LPA: variants seen among roughly 807,000 people sequenced by gnomAD.
LPA encodes the protein lipoprotein(a).
In LPA, 199 loss-of-function variants were observed where a neutral mutation model predicts 197.9. The observed-to-expected ratio is 1.01, with a 90% CI of 0.90 to 1.13. LPA has a LOEUF of 1.13. Ranked by LOEUF, LPA falls within the 50% of genes most tolerant of loss-of-function variation. LPA has a pLI of 0.00. For missense variants in LPA, 1,853 were observed against 1,785.8 expected (o/e 1.04, Z -0.68); for synonymous variants, 715 against 639.5 (o/e 1.12, Z -1.78).
chr6:160,576,614 TAA>T (rs1240381739), intron 28 of LPA, among the ~76,000 whole-genome samples: 9 of 145,448 alleles, frequency 6.2e-5, no homozygotes, highest in South Asian at 2.1e-4. Flanking sequence ...AATTTAAATA[TAA>T]GTTTTATACA....
At chr6:160,539,609 A>G (rs1384588990) in intron 36 of LPA, among the ~76,000 whole-genome samples, 1 of 152,154 alleles carries the variant, frequency 6.6e-6, no homozygotes, top group Non-Finnish European at 1.5e-5. Flanking sequence ...CTTCCTCGTC[A>G]GCCTCCTGAA....
At chr6:160,565,446 C>A (rs1424553819) in intron 28 of LPA, among the ~76,000 whole-genome samples, 1 of 152,190 alleles carries the variant, frequency 6.6e-6, no homozygotes, top group Non-Finnish European at 1.5e-5. Flanking sequence ...CTCCAACAGA[C>A]CTGCAGCTGA....
At chr6:160,553,061 C>A (rs1285935632) in intron 30 of LPA, among the ~76,000 whole-genome samples, 1 of 152,208 alleles carries the variant, frequency 6.6e-6, no homozygotes, top group Non-Finnish European at 1.5e-5. Flanking sequence ...TATATAACTT[C>A]ATGGATAATG....
intron 28 of LPA, among the ~76,000 whole-genome samples, chr6:160,576,666 ATGTT>A (rs1562328152): frequency 2.2e-5 from 2 of 92,682 alleles, no homozygotes; most frequent in Admixed American, 1.2e-4. Context: ...AAATATTCAG[ATGTT>A]TGTGTGTGTG....
At chr6:160,650,538 G>T in intron 1 of LPA, 41 bp from the exon 2 acceptor site, 1 of 1,601,616 alleles carries the variant, frequency 6.2e-7, no homozygotes, top group South Asian at 1.1e-5. Flanking sequence ...ATAGTTCTTA[G>T]AACAGAAAAA....
intron 7 of LPA, among the ~76,000 whole-genome samples, chr6:160,634,691 T>C (rs1216497681): frequency 2.6e-5 from 4 of 151,716 alleles, no homozygotes; most frequent in Non-Finnish European, 5.9e-5. Context: ...CCTGTTAGGT[T>C]TCTCGAGGAT....
chr6:160,553,954 T>TGTGTGTGC (rs771903485), intron 30 of LPA, among the ~76,000 whole-genome samples: 1,825 of 130,754 alleles, frequency 0.014, 29 homozygotes, highest in Middle Eastern at 0.053. Flanking sequence ...TGTGTGTGTG[T>TGTGTGTGC]GCGCGCGCGC....
In LPA at chr6:160,634,811, A is replaced by T. The variant is rs1382515477; in HGVS notation, c.1075+312T>A. ...AGCTTACTGCGACAGAAAGAATCACACACCTGACAGCACGTTACAATAAAA... is the reference window on the plus strand; with the variant it reads ...AGCTTACTGCGACAGAAAGAATCACTCACCTGACAGCACGTTACAATAAAA... On this transcript the variant is annotated intron_variant, in intron 7 of 38. Coordinates refer to ENST00000316300, the MANE Select transcript of LPA (RefSeq NM_005577.4). Among the ~76,000 whole-genome samples, 7 of 150,274 alleles carry T rather than the reference A, an allele frequency of 4.7e-5. 1 individual carries two copies. The highest frequency in any genetic ancestry group is 1.8e-4 in the African/African-American group (7 of 39,576).
intron 25 of LPA, 78 bp downstream of exon 25, chr6:160,586,371 T>C: frequency 6.5e-7 from 1 of 1,547,504 alleles, no homozygotes; most frequent in South Asian, 1.1e-5. Flanking sequence ...GCATGGAAGT[T>C]TTCTGCATCA....
chr6:160,538,880 G>A (rs1010552653), intron 36 of LPA, among the ~76,000 whole-genome samples: 15 of 152,316 alleles, frequency 9.8e-5, no homozygotes, highest in Middle Eastern at 3.4e-3. Context: ...TAAGTGACTT[G>A]TTCAAGCCAT....
At chr6:160,547,725 C>T in intron 32 of LPA, 64 bp downstream of exon 32, 1 of 1,608,390 alleles carries the variant, frequency 6.2e-7, no homozygotes. Flanking sequence ...TTTTCCTCTG[C>T]CCCTCTTCTG....
At chr6:160,660,523 C>T (rs1305942421) in intron 1 of LPA, among the ~76,000 whole-genome samples, 1 of 152,090 alleles carries the variant, frequency 6.6e-6, no homozygotes, top group Non-Finnish European at 1.5e-5. Context: ...AATAAGACAC[C>T]ATCAGTGGCA....
chr6:160,548,507 A>T lies in LPA; in HGVS notation c.5126T>A (p.Val1709Asp), dbSNP rs41264338. The T allele has an allele frequency of 1.4e-4, 231 of 1,613,958 alleles. 1 individual carries two copies. The African/African-American group carries it at 2.6e-3, about 18-fold the overall frequency. The stretch of plus-strand genomic sequence containing the variant: ...TTCAGAAGGAGGCCCTAGGCTTGGA[A>T]CCTGGATGACAGTCGGAGGAGCGAC... ...TVVAPPTVIQ[V>D]PSLGPPSEQD... The change falls in exon 31 of 39, where the codon GTT (valine) becomes GAT (aspartate). Residue 1709 changes from valine to aspartate, a missense_variant. By Grantham distance (152) the Val-to-Asp change is radical. Around this residue, in one of 3 missense-constraint regions of LPA, gnomAD observed 1,737 missense variants for 1,504.4 expected, o/e 1.15. Coordinates refer to ENST00000316300, the MANE Select transcript of LPA (RefSeq NM_005577.4).
At chr6:160,611,456 G>A (rs1463082275) in intron 16 of LPA, 106 bp downstream of exon 16, 12 of 1,541,562 alleles carry the variant, frequency 7.8e-6, no homozygotes, top group Middle Eastern at 2.3e-4. Context: ...TACACCATCT[G>A]AATCTGACAC....
intron 19 of LPA, among the ~76,000 whole-genome samples, chr6:160,600,443 C>T (rs903832385): frequency 6.6e-6 from 1 of 152,104 alleles, no homozygotes; most frequent in African/African-American, 2.4e-5. Flanking sequence ...TGTACTACTC[C>T]ACAGACCCAG....
chr6:160,589,498 C>T lies in LPA; in HGVS notation c.3947+55G>A, dbSNP rs914430724. 21 of 1,602,400 alleles carry T rather than the reference C, an allele frequency of 1.3e-5. No individual in the cohort carries two copies. The African/African-American group carries it at 1.6e-4, about 12-fold the overall frequency. On this transcript the variant is annotated intron_variant, in intron 24 of 38. Coordinates refer to ENST00000316300, the MANE Select transcript of LPA (RefSeq NM_005577.4). The stretch of plus-strand genomic sequence containing the variant: ...AAGTTAGCTGGAAGCATGGCTCTTC[C>T]AGGAGAAATTTAAGTGGGTGGCTGT...
At chr6:160,534,118 T>C (rs1777847990) in intron 37 of LPA, among the ~76,000 whole-genome samples, 1 of 152,164 alleles carries the variant, frequency 6.6e-6, no homozygotes, top group African/African-American at 2.4e-5. Context: ...ATCTGGAGTT[T>C]ACATGAGCAG....
At chr6:160,584,141 C>T (rs1057043950) in intron 26 of LPA, among the ~76,000 whole-genome samples, 4 of 151,812 alleles carry the variant, frequency 2.6e-5, no homozygotes. Context: ...GGCTAGTACT[C>T]ATATATAAAT....
intron 20 of LPA, among the ~76,000 whole-genome samples, chr6:160,596,503 A>G (rs566696674): frequency 6.6e-6 from 1 of 152,174 alleles, no homozygotes; most frequent in East Asian, 1.9e-4. Flanking sequence ...AAAACACAAG[A>G]TGAATATTTA....
Sources: allele counts gnomAD v4.1 joint callset (sites outside exome capture counted in the v4.1 genomes callset), GRCh38; gene constraint gnomAD v4.1.1; regional missense constraint gnomAD v4.1.1; transcripts MANE v1.5; gene names NCBI Gene and HGNC (gene_info 2026-07-23, HGNC 2026-07-21).